Variants in PDE10A observed in about 807,000 individuals in gnomAD.
PDE10A encodes the protein phosphodiesterase 10A.
A neutral mutation model predicts 97.7 loss-of-function variants in PDE10A; 39 were observed. The observed-to-expected ratio is 0.40, with a 90% CI of 0.31 to 0.52. The LOEUF is 0.52. Among genes scored for constraint, PDE10A ranks in the 20% least tolerant of loss-of-function variants. The pLI is 0.56. For synonymous variants in PDE10A, 371 were observed against 376.8 expected (o/e 0.98, Z 0.18); for missense variants, 731 against 1,047.8 (o/e 0.70, Z 4.17).
chr6:165,888,390 A>C (rs1781688014), intron 1 of PDE10A, among the ~76,000 whole-genome samples: 1 of 151,590 alleles, frequency 6.6e-6, no homozygotes, highest in African/African-American at 2.4e-5. Context: ...GGTTTAAGTG[A>C]TTCCTCTGCC....
At chr6:165,351,343 T>A (rs1055482091) in intron 18 of PDE10A, among the ~76,000 whole-genome samples, 17 of 151,952 alleles carry the variant, frequency 1.1e-4, no homozygotes, top group Non-Finnish European at 2.1e-4. Flanking sequence ...GGACAAAAGG[T>A]GGGAAGCAAG....
intron 1 of PDE10A, among the ~76,000 whole-genome samples, chr6:165,879,211 T>TAACA (rs1317854496): frequency 6.6e-6 from 1 of 152,254 alleles, no homozygotes; most frequent in South Asian, 2.1e-4. Context: ...CCTGTAGGTA[T>TAACA]TTAAAGGTAT....
intron 1 of PDE10A, among the ~76,000 whole-genome samples, chr6:165,899,349 G>GATCAGAT: frequency 6.6e-6 from 1 of 152,174 alleles, no homozygotes; most frequent in Admixed American, 6.5e-5. Context: ...TTTGACTAGA[G>GATCAGAT]TTGACATTTA....
At chr6:165,806,499 T>A (rs1562746166) in intron 1 of PDE10A, among the ~76,000 whole-genome samples, 1 of 152,194 alleles carries the variant, frequency 6.6e-6, no homozygotes, top group Non-Finnish European at 1.5e-5. Context: ...CTGTGCCCTG[T>A]CTCCACAGTT....
At chr6:165,730,475 G>A (rs937358255) in intron 1 of PDE10A, among the ~76,000 whole-genome samples, 9 of 152,208 alleles carry the variant, frequency 5.9e-5, no homozygotes, top group African/African-American at 2.2e-4. Flanking sequence ...GACAAGGCCG[G>A]GAGAGGTGAT....
At chr6:165,350,422 C>G (rs1414076893) in intron 18 of PDE10A, among the ~76,000 whole-genome samples, 1 of 152,124 alleles carries the variant, frequency 6.6e-6, no homozygotes, top group East Asian at 1.9e-4. Flanking sequence ...ATGCCTGTAC[C>G]CCCATTGTGT....
At chr6:165,968,773 A>T (rs1462733097) in intron 1 of PDE10A, among the ~76,000 whole-genome samples, 1 of 152,238 alleles carries the variant, frequency 6.6e-6, no homozygotes, top group African/African-American at 2.4e-5. Context: ...TATCTCTAAC[A>T]TCTACTCTTG....
chr6:165,837,683 T>G (rs1286706086), intron 1 of PDE10A, among the ~76,000 whole-genome samples: 17 of 143,274 alleles, frequency 1.2e-4, no homozygotes, highest in African/African-American at 4.7e-4. Flanking sequence ...TTTTTTTTTT[T>G]TTGGGGCAGG....
At chr6:165,448,263 T>A (rs1425646940) in intron 5 of PDE10A, among the ~76,000 whole-genome samples, 1 of 152,236 alleles carries the variant, frequency 6.6e-6, no homozygotes, top group Non-Finnish European at 1.5e-5. Flanking sequence ...GTATACTTTT[T>A]AATACTGTAT....
chr6:165,371,625 T>C (rs918145641), intron 18 of PDE10A, among the ~76,000 whole-genome samples: 5 of 152,206 alleles, frequency 3.3e-5, no homozygotes, highest in Admixed American at 3.3e-4. Flanking sequence ...CCAGATGGAT[T>C]CACAGCCAAA....
intron 1 of PDE10A, among the ~76,000 whole-genome samples, chr6:165,585,054 A>G (rs1785828727): frequency 6.6e-6 from 1 of 152,206 alleles, no homozygotes; most frequent in Non-Finnish European, 1.5e-5. Flanking sequence ...CTTATCCCTT[A>G]TCATCTAACA....
intron 1 of PDE10A, among the ~76,000 whole-genome samples, chr6:165,902,086 A>AACAAAG (rs11283355): frequency 0.7 from 106,739 of 151,508 alleles, 38,080 homozygotes; most frequent in East Asian, 0.94. Context: ...ATTGAATAAA[A>AACAAAG]ACAAATTTTG....
chr6:165,677,063 G>C (rs1289960100), intron 1 of PDE10A, among the ~76,000 whole-genome samples: 1 of 152,220 alleles, frequency 6.6e-6, no homozygotes, highest in Non-Finnish European at 1.5e-5. Context: ...TGTTAACTTG[G>C]CTGGGCCACA....
At chr6:165,651,556 G>A (rs1789687664) in intron 1 of PDE10A, among the ~76,000 whole-genome samples, 1 of 152,114 alleles carries the variant, frequency 6.6e-6, no homozygotes, top group Non-Finnish European at 1.5e-5. Context: ...GAGGCACCAG[G>A]GCCTCAACAG....
At chr6:165,908,343 A>G (rs575341166) in intron 1 of PDE10A, among the ~76,000 whole-genome samples, 2 of 152,344 alleles carry the variant, frequency 1.3e-5, no homozygotes, top group East Asian at 3.9e-4. Flanking sequence ...GAGACAGTCC[A>G]TAAACAACAC....
intron 1 of PDE10A, among the ~76,000 whole-genome samples, chr6:165,815,099 T>C (rs978029927): frequency 6.6e-6 from 1 of 152,210 alleles, no homozygotes; most frequent in Admixed American, 6.5e-5. Flanking sequence ...CAACGTTACT[T>C]GCAGAAATAG....
chr6:165,524,668 T>C (rs1373664140), intron 2 of PDE10A, among the ~76,000 whole-genome samples: 1 of 42,486 alleles, frequency 2.4e-5, no homozygotes, highest in Non-Finnish European at 6.1e-5. Flanking sequence ...TTGCCCTGAG[T>C]CAGTCTTATC....
At chr6:165,726,130 C>G (rs573854509) in intron 1 of PDE10A, among the ~76,000 whole-genome samples, 2 of 152,114 alleles carry the variant, frequency 1.3e-5, no homozygotes, top group Non-Finnish European at 2.9e-5. Flanking sequence ...GGCAGAGAGT[C>G]GAGGAGCTGT....
chr6:165,395,105 T>C (rs922144222), intron 15 of PDE10A, 76 bp downstream of exon 15: 1 of 800,224 alleles, frequency 1.2e-6, no homozygotes, highest in East Asian at 2.5e-5. Flanking sequence ...AAGATCGTGG[T>C]GAGGCATATA....
Sources: gnomAD v4.1 joint callset for allele counts (sites outside exome capture counted in the v4.1 genomes callset) on GRCh38, gnomAD v4.1.1 for gene constraint, MANE v1.5 for transcripts, NCBI Gene and HGNC (gene_info 2026-07-23, HGNC 2026-07-21) for gene names.